Variants in COPG2 observed in about 807,000 individuals in gnomAD.
COPG2 encodes the protein coat protein complex I subunit gamma 2, also known as coatomer subunit gamma-2.
COPG2 carries 37 observed loss-of-function variants against 46.3 expected under a neutral mutation model. The observed-to-expected ratio is 0.80, with a 90% confidence interval of 0.61 to 1.05. COPG2 has a LOEUF of 1.05. Among genes scored for constraint, COPG2 ranks in the 50% least tolerant of loss-of-function variants. COPG2 has a pLI of 0.00. For missense variants in COPG2, 427 were observed against 387.8 expected (o/e 1.10, Z -0.85); for synonymous variants, 159 against 129.7 (o/e 1.23, Z -1.53).
chr7:130,582,812 C>G (rs1794179573), intron 9 of COPG2, among the ~76,000 whole-genome samples: 1 of 151,758 alleles, frequency 6.6e-6, no homozygotes, highest in African/African-American at 2.4e-5. Context: ...CATCTCACAA[C>G]AGTTAGAATG....
intron 20 of COPG2, among the ~76,000 whole-genome samples, chr7:130,523,154 C>T (rs1226092482): frequency 5.3e-5 from 7 of 131,260 alleles, no homozygotes; most frequent in African/African-American, 1.4e-4. Context: ...AGGCCTCAAA[C>T]GGGAGACTGA....
At chr7:130,637,853 G>A (rs1393609057) in intron 5 of COPG2, among the ~76,000 whole-genome samples, 7 of 152,146 alleles carry the variant, frequency 4.6e-5, no homozygotes, top group Admixed American at 6.5e-5. Context: ...CCTCAGCCTC[G>A]TGGATTTATC....
At chr7:130,647,903 T>C (rs1176017180) in intron 5 of COPG2, among the ~76,000 whole-genome samples, 1 of 152,128 alleles carries the variant, frequency 6.6e-6, no homozygotes, top group African/African-American at 2.4e-5. Flanking sequence ...GCTAATTTTT[T>C]GTATTTTTAG....
intron 9 of COPG2, among the ~76,000 whole-genome samples, chr7:130,591,814 C>T (rs1393579822): frequency 6.0e-5 from 9 of 151,212 alleles, no homozygotes; most frequent in Non-Finnish European, 8.9e-5. Context: ...CCGCCCCATC[C>T]GGGAGGTGAG....
At chr7:130,568,731 C>T (rs959242090) in intron 9 of COPG2, among the ~76,000 whole-genome samples, 5 of 152,290 alleles carry the variant, frequency 3.3e-5, no homozygotes, top group East Asian at 3.9e-4. Context: ...ATTTACAGAA[C>T]GTTCTACCCA....
At chr7:130,537,742 G>A (rs1225292670) in intron 20 of COPG2, among the ~76,000 whole-genome samples, 1 of 152,240 alleles carries the variant, frequency 6.6e-6, no homozygotes, top group Non-Finnish European at 1.5e-5. Context: ...GAGTGTGGGT[G>A]TGAACGTAGA....
At chr7:130,659,470 G>T (rs573904289) in intron 4 of COPG2, among the ~76,000 whole-genome samples, 1 of 152,108 alleles carries the variant, frequency 6.6e-6, no homozygotes, top group Non-Finnish European at 1.5e-5. Flanking sequence ...TTTGTAATAG[G>T]TAAAATGTGG....
chr7:130,524,198 G>T (rs1204697597), intron 20 of COPG2, among the ~76,000 whole-genome samples: 1 of 152,074 alleles, frequency 6.6e-6, no homozygotes, highest in Non-Finnish European at 1.5e-5. Flanking sequence ...CTGATAGCTG[G>T]GCAGAGCAGG....
At chr7:130,522,765 G>A (rs1376763211) in intron 20 of COPG2, among the ~76,000 whole-genome samples, 1 of 152,122 alleles carries the variant, frequency 6.6e-6, no homozygotes, top group East Asian at 1.9e-4. Flanking sequence ...AAAAGCACAT[G>A]AAAGAAGTAG....
rs144287965 is a variant in COPG2, at chr7:130,615,007, A to G, written c.400-1371T>C. Among the ~76,000 whole-genome samples, 543 of 152,290 alleles carry G rather than the reference A, an allele frequency of 3.6e-3. 3 individuals are homozygous for G. The highest frequency in any genetic ancestry group is 0.012 in the African/African-American group (501 of 41,568). On this transcript the variant is annotated intron_variant, in intron 6 of 23. Coordinates refer to ENST00000425248, the MANE Select transcript of COPG2 (RefSeq NM_012133.6). ...CCATTATTTTGAGACACCAAAGCAAATGTCCTAGGAAGTAAGGAGGAAGAC... is the reference window on the plus strand; with the variant it reads ...CCATTATTTTGAGACACCAAAGCAAGTGTCCTAGGAAGTAAGGAGGAAGAC...
intron 18 of COPG2, among the ~76,000 whole-genome samples, chr7:130,549,056 AAAG>A (rs1344496542): frequency 2.0e-5 from 3 of 151,398 alleles, no homozygotes; most frequent in Admixed American, 6.6e-5. Flanking sequence ...AAAAAAAAAA[AAAG>A]AAAGTAAATA....
intron 9 of COPG2, among the ~76,000 whole-genome samples, chr7:130,594,972 GAC>G (rs782501718): frequency 6.6e-6 from 1 of 152,114 alleles, no homozygotes; most frequent in Non-Finnish European, 1.5e-5. Flanking sequence ...CAAAAAGCTA[GAC>G]ACAGAGTTAT....
At chr7:130,567,011 G>T (rs950495445) in intron 9 of COPG2, among the ~76,000 whole-genome samples, 100 of 152,214 alleles carry the variant, frequency 6.6e-4, no homozygotes, top group Non-Finnish European at 1.1e-3. Context: ...CAACAACAGT[G>T]GACTGGATGA....
intron 17 of COPG2, 119 bp downstream of exon 17, chr7:130,550,405 C>G (rs1793518714): frequency 4.9e-6 from 1 of 204,528 alleles, no homozygotes; most frequent in Non-Finnish European, 7.5e-6. Flanking sequence ...GAGTGAGACT[C>G]TATCTCAAAA....
chr7:130,523,414 G>T (rs1272919851), intron 20 of COPG2, among the ~76,000 whole-genome samples: 2 of 152,174 alleles, frequency 1.3e-5, no homozygotes, highest in African/African-American at 4.8e-5. Flanking sequence ...CTTCTGATAG[G>T]CCGCCTTGGG....
chr7:130,513,333 ATATATATATGTGTGTGTGTGTGTGTG>A (rs1191423630), intron 20 of COPG2, among the ~76,000 whole-genome samples: 15 of 75,516 alleles, frequency 2.0e-4, no homozygotes, highest in African/African-American at 5.2e-4. Flanking sequence ...ATATATATAT[ATATATATATGTGTGTGTGTGTGTGTG>A]TATATATATA....
chr7:130,509,631 T>C (rs782787379), intron 20 of COPG2: 7 of 505,164 alleles, frequency 1.4e-5, no homozygotes, highest in South Asian at 1.0e-4. Flanking sequence ...TGACTGTCAA[T>C]ACATGTTGAC....
rs782498849 is a variant in COPG2, at chr7:130,508,614, C to G, written c.2195G>C (p.Cys732Ser). ...ATCTGGAACTCCAGTGTTAGGGTCA[C>G]AGTCCCGGACTGTAAACTTCATGGT... ...SCTMKFTVRD[C>S]DPNTGVPDED... Residue 732 changes from cysteine to serine, a missense_variant, in exon 21 of 24, where the codon TGT becomes TCT. Physicochemically the swap from Cys to Ser is moderately radical, Grantham distance 112. Coordinates refer to ENST00000425248, the MANE Select transcript of COPG2 (RefSeq NM_012133.6). The G allele has an allele frequency of 1.3e-6, 1 of 775,918 alleles. No individual in the cohort carries two copies. Among genetic ancestry groups the G allele is most frequent in the Non-Finnish European group, 2.4e-6 (1 of 416,006 alleles). 48.1% of individuals were successfully genotyped at this position (775,918 alleles called of 1,614,324 possible). A position where few individuals can be genotyped will look rare whatever the true frequency, so the allele number is the denominator to read the frequency against.
chr7:130,644,038 A>G (rs1242394996), intron 5 of COPG2, among the ~76,000 whole-genome samples: 1 of 152,190 alleles, frequency 6.6e-6, no homozygotes, highest in Non-Finnish European at 1.5e-5. Context: ...CAACTTTGGC[A>G]GTTTGGTTAG....
Sources: gnomAD v4.1 joint callset for allele counts (sites outside exome capture counted in the v4.1 genomes callset) on GRCh38, gnomAD v4.1.1 for gene constraint, MANE v1.5 for transcripts, NCBI Gene and HGNC (gene_info 2026-07-23, HGNC 2026-07-21) for gene names.